Variants in ZNF45 observed in about 807,000 individuals in gnomAD.
ZNF45 encodes zinc finger protein 45.
A neutral mutation model predicts 12.0 loss-of-function variants in ZNF45; 4 were observed. The ratio of observed to expected loss-of-function variants is 0.33; its 90% CI spans 0.16 to 0.76. The LOEUF (loss-of-function observed/expected upper bound fraction) is 0.76, where lower values mean the gene tolerates loss of function less well. Among genes scored for constraint, ZNF45 ranks in the 30% least tolerant of loss-of-function variants. ZNF45 has a pLI of 0.60. For synonymous variants in ZNF45, 272 were observed against 279.6 expected, an observed-to-expected ratio of 0.97 and a Z score of 0.27; for missense variants, 700 against 813.0, an observed-to-expected ratio of 0.86 and a Z score of 1.69.
At chr19:43,918,210 G>A (rs1340303698) in intron 9 of ZNF45, among the ~76,000 whole-genome samples, 1 of 152,122 alleles carries the variant, frequency 6.6e-6, no homozygotes, top group Non-Finnish European at 1.5e-5. Context: ...CTAAAACGTG[G>A]CTATGAGAAC....
At chr19:43,917,321 C>T (rs1953086936) in intron 9 of ZNF45, among the ~76,000 whole-genome samples, 1 of 152,052 alleles carries the variant, frequency 6.6e-6, no homozygotes, top group Non-Finnish European at 1.5e-5. Context: ...ACCTCCCAGT[C>T]TAAATGATTA....
At chr19:43,922,958 T>C (rs1485930916) in intron 6 of ZNF45, among the ~76,000 whole-genome samples, 1 of 151,392 alleles carries the variant, frequency 6.6e-6, no homozygotes, top group East Asian at 2.0e-4. Flanking sequence ...CCCAAGTAGC[T>C]GGGACCACAG....
At position 43,920,403 on chromosome 19, in the gene ZNF45, G is replaced by A. The variant is rs10414138; in HGVS notation, c.16-704C>T. On this transcript the variant is annotated intron_variant, in intron 7 of 9. Transcript: ENST00000269973. ...ACTCAACACTATTGCTGTCTTGGGC[G>A]GGATAGTTGTCTGCTGTGTGGGGGT... 3.0e-3 allele frequency among the ~76,000 whole-genome samples: 456 copies of A among 151,464 alleles called. 3 individuals are homozygous for A. The highest frequency in any genetic ancestry group is 0.011 in the African/African-American group (438 of 41,248).
Position 43,913,623 on chromosome 19 carries a change from C to A in ZNF45, c.1813G>T (p.Val605Phe). The A allele has an allele frequency of 6.2e-7, 1 of 1,612,444 alleles. No individual in the cohort carries two copies. Among genetic ancestry groups the A allele is most frequent in the Non-Finnish European group, 8.5e-7 (1 of 1,179,490 alleles). ...QRSYLQAHQR[V>F]HTGERPYKCE... Reference sequence around the variant, plus strand: ...TTGTATGGTCTCTCTCCTGTGTGGACCCTCTGGTGGGCTTGAAGGTAGGAT... The same window carrying A: ...TTGTATGGTCTCTCTCCTGTGTGGAACCTCTGGTGGGCTTGAAGGTAGGAT... The change falls in exon 10 of 10, where the codon GTC becomes TTC. Residue 605 changes from valine (V) to phenylalanine (F), a missense_variant. By Grantham distance (50) the Val-to-Phe change is conservative (BLOSUM62 -1). Coordinates refer to ENST00000269973, the MANE Select transcript of ZNF45 (RefSeq NM_003425.4).
chr19:43,923,772 CCT>C (rs1973421135), intron 6 of ZNF45, among the ~76,000 whole-genome samples: 2 of 152,140 alleles, frequency 1.3e-5, no homozygotes, highest in African/African-American at 4.8e-5. Flanking sequence ...CCTCCCAGCC[CCT>C]GATAACCACG....
At chr19:43,923,056 G>A (rs1599778445) in intron 6 of ZNF45, among the ~76,000 whole-genome samples, 1 of 151,956 alleles carries the variant, frequency 6.6e-6, no homozygotes, top group African/African-American at 2.4e-5. Context: ...AAACTCCTGA[G>A]CTCAAGTGAT....
chr19:43,923,477 AGTAT>A (rs1423687832), intron 6 of ZNF45, among the ~76,000 whole-genome samples: 6 of 152,156 alleles, frequency 3.9e-5, no homozygotes, highest in Non-Finnish European at 8.8e-5. Flanking sequence ...CTTTATCATA[AGTAT>A]GTAGGTAAAG....
chr19:43,934,078 A>G (rs1974337411), intron 2 of ZNF45, among the ~76,000 whole-genome samples: 2 of 152,308 alleles, frequency 1.3e-5, no homozygotes, highest in Non-Finnish European at 2.9e-5. Flanking sequence ...AAACTGTGAG[A>G]CCAAGGGTAT....
At chr19:43,923,612 G>T (rs450880) in intron 6 of ZNF45, among the ~76,000 whole-genome samples, 23,269 of 151,966 alleles carry the variant, frequency 0.15, 2,494 homozygotes, top group East Asian at 0.4. Flanking sequence ...TGCTTTTTTT[G>T]ATAGTAAAAT....
chr19:43,919,461 A>G, intron 8 of ZNF45, 112 bp downstream of exon 8: 1 of 1,318,052 alleles, frequency 7.6e-7, no homozygotes, highest in Non-Finnish European at 1.0e-6. Flanking sequence ...CTGTCTTATG[A>G]TGGATGATTA....
intron 6 of ZNF45, among the ~76,000 whole-genome samples, chr19:43,922,588 T>G (rs979315058): frequency 3.3e-5 from 5 of 152,268 alleles, no homozygotes; most frequent in Admixed American, 2.6e-4. Context: ...GGCATTGCTA[T>G]TTATTCGCTA....
intron 3 of ZNF45, among the ~76,000 whole-genome samples, chr19:43,927,002 G>T (rs1394377246): frequency 1.3e-5 from 2 of 152,194 alleles, no homozygotes; most frequent in Non-Finnish European, 2.9e-5. Flanking sequence ...AACGGGAGGA[G>T]GCTTGAGGGG....
At chr19:43,922,251 G>GA in intron 6 of ZNF45, 34 bp from the exon 7 acceptor site, 1 of 1,470,060 alleles carries the variant, frequency 6.8e-7, no homozygotes, top group Non-Finnish European at 9.3e-7. Flanking sequence ...GAGGGAAGGA[G>GA]AAAAAAGCCA....
rs766521770 is a variant in ZNF45 at position 43,913,959 on chromosome 19, T to G, written c.1477A>C (p.Ile493Leu). Reference sequence around the variant, plus strand: ...TTATAGGGTTTCTCTCCTGTGTGGATTCTACAGTGTACATTAAGATCTGAG... The same window carrying G: ...TTATAGGGTTTCTCTCCTGTGTGGAGTCTACAGTGTACATTAAGATCTGAG... ...RSSDLNVHCR[I>L]HTGEKPYKCE... Residue 493 changes from isoleucine (I) to leucine (L), a missense_variant, in exon 10 of 10, where the codon ATC becomes CTC. Physicochemically the swap from Ile to Leu is conservative, Grantham distance 5. Coordinates refer to ENST00000269973, the MANE Select transcript of ZNF45 (RefSeq NM_003425.4). 6.2e-7 allele frequency: 1 copy of G among 1,600,754 alleles called. No individual in the cohort carries two copies. Among genetic ancestry groups the G allele is most frequent in the Non-Finnish European group, 8.5e-7 (1 of 1,171,326 alleles).
At position 43,914,665 on chromosome 19, in the gene ZNF45, A is replaced by G. The variant is rs138922119; in HGVS notation, c.771T>C (p.Val257=). 1.7e-5 allele frequency: 27 copies of G among 1,613,584 alleles called. No individual in the cohort carries two copies. In the African/African-American group the frequency reaches 3.2e-4, roughly 19 times the overall value. ...PYKYEECGRN[V]GKSSHCQAPL... ...GAGCTTGACAATGTGAGCTTTTCCCAACATTCCTCCCACACTCTTCATATT... is the reference window on the plus strand; with the variant it reads ...GAGCTTGACAATGTGAGCTTTTCCCGACATTCCTCCCACACTCTTCATATT... The change falls in exon 10 of 10, where the codon GTT becomes GTC. Residue 257 remains valine (V), a synonymous_variant. Transcript: ENST00000269973.
At chr19:43,928,809 G>A (rs1973896197) in intron 3 of ZNF45, among the ~76,000 whole-genome samples, 1 of 152,206 alleles carries the variant, frequency 6.6e-6, no homozygotes, top group East Asian at 1.9e-4. Context: ...GGAGTGCCAA[G>A]ATCAACTCTA....
chr19:43,913,639 A>AAGGT lies in ZNF45; in HGVS notation c.1793_1796dup (p.Gln600ProfsTer17), dbSNP rs763041237. 9.3e-6 allele frequency: 15 copies of AAGGT among 1,614,050 alleles called. No individual in the cohort carries two copies. The highest frequency in any genetic ancestry group is 1.3e-5 in the Non-Finnish European group (15 of 1,180,020). On this transcript the variant is annotated frameshift_variant, in exon 10 of 10. Transcript: ENST00000269973. LOFTEE classifies it high-confidence loss of function. ...CTGTGTGGACCCTCTGGTGGGCTTG[A>AAGGT]AGGTAGGATCTCTGTCTGAAGCGCT...
rs1972503997 is a variant in ZNF45 at position 43,914,808 on chromosome 19, G to A, written c.628C>T (p.His210Tyr). ...AFRRFSSLQA[H>Y]QRVHSRAKSY... ...TTTGCTCTACTGTGGACTCTCTGAT[G>A]GGCTTGAAGACTTGAAAACCGACGG... Residue 210 changes from histidine (H) to tyrosine (Y), a missense_variant, in exon 10 of 10, where the codon CAT becomes TAT. His to Tyr is a moderately conservative substitution (Grantham distance 83). Transcript: ENST00000269973. The A allele has an allele frequency of 6.2e-7, 1 of 1,613,076 alleles. No individual in the cohort carries two copies. Among genetic ancestry groups the A allele is most frequent in the East Asian group, 2.2e-5 (1 of 44,846 alleles).
In ZNF45 at chr19:43,913,561, T is replaced by C; in HGVS notation, c.1875A>G (p.Ser625=). Residue 625 remains serine (S), a synonymous_variant, in exon 10 of 10, where the codon TCA becomes TCG. Coordinates refer to ENST00000269973, the MANE Select transcript of ZNF45 (RefSeq NM_003425.4). The part of the protein sequence containing the change: ...EECGKVFSWS[S]YLQAHQRVHT... ...GAACTCTTTGATGGGCTTGAAGGTA[T>C]GAGCTCCAGCTGAAGACTTTCCCAC... 2 of 1,613,330 alleles carry C rather than the reference T, an allele frequency of 1.2e-6. No individual in the cohort carries two copies. The highest frequency in any genetic ancestry group is 1.7e-6 in the Non-Finnish European group (2 of 1,179,826).
Sources: gnomAD v4.1 joint callset for allele counts (sites outside exome capture counted in the v4.1 genomes callset) on GRCh38, gnomAD v4.1.1 for gene constraint, MANE v1.5 for transcripts, NCBI Gene and HGNC (gene_info 2026-07-23, HGNC 2026-07-21) for gene names.